EFHD1: variants seen among roughly 807,000 people sequenced by gnomAD.
EFHD1 encodes EF-hand domain family member D1.
EFHD1 carries 10 observed loss-of-function variants against 17.2 expected under a neutral mutation model. That is an observed-to-expected ratio of 0.58 (90% CI 0.36 to 0.99). The LOEUF (loss-of-function observed/expected upper bound fraction) is 0.99, where lower values mean the gene tolerates loss of function less well. Ranked by LOEUF, EFHD1 falls within the 50% of genes least tolerant of loss-of-function variation. The probability of loss-of-function intolerance (pLI) is 0.01; values close to 1 mark genes in which losing one functional copy is unlikely to be tolerated. For synonymous variants in EFHD1, 153 were observed against 142.0 expected, an observed-to-expected ratio of 1.08 and a Z score of -0.55; for missense variants, 310 against 327.5, an observed-to-expected ratio of 0.95 and a Z score of 0.41.
intron 1 of EFHD1, among the ~76,000 whole-genome samples, chr2:232,644,044 G>T (rs1329327258): frequency 6.6e-6 from 1 of 152,162 alleles, no homozygotes; most frequent in East Asian, 1.9e-4. Context: ...GGAGTGCTGT[G>T]TGTGCAGTTG....
At chr2:232,679,071 GA>G (rs1027569290) in intron 3 of EFHD1, among the ~76,000 whole-genome samples, 5 of 150,718 alleles carry the variant, frequency 3.3e-5, no homozygotes, top group African/African-American at 9.8e-5. Context: ...TGACAGGAAA[GA>G]AAAAAAAAGT....
intron 1 of EFHD1, among the ~76,000 whole-genome samples, chr2:232,648,880 A>T (rs1694583456): frequency 6.6e-6 from 1 of 152,132 alleles, no homozygotes; most frequent in Non-Finnish European, 1.5e-5. Context: ...GAAGAGAAGA[A>T]GGTACTCTTG....
At chr2:232,676,450 G>A (rs1271498004) in intron 3 of EFHD1, among the ~76,000 whole-genome samples, 1 of 152,142 alleles carries the variant, frequency 6.6e-6, no homozygotes, top group Non-Finnish European at 1.5e-5. Flanking sequence ...TAGGGAAGAT[G>A]AGGATCCTAT....
At chr2:232,630,773 C>A (rs1694186563), upstream of EFHD1, among the ~76,000 whole-genome samples, 1 of 122,856 alleles carries the variant, frequency 8.1e-6, no homozygotes. Flanking sequence ...ATAGAGAGAT[C>A]TCATCTCTAT....
chr2:232,657,687 T>C (rs947456648), intron 1 of EFHD1, among the ~76,000 whole-genome samples: 2 of 151,162 alleles, frequency 1.3e-5, no homozygotes, highest in East Asian at 2.0e-4. Context: ...GGTGGGCGCC[T>C]GTAATCCCAG....
At chr2:232,660,578 T>A (rs1292289473) in intron 1 of EFHD1, among the ~76,000 whole-genome samples, 1 of 152,080 alleles carries the variant, frequency 6.6e-6, no homozygotes, top group East Asian at 1.9e-4. Context: ...CAAGTGACCA[T>A]CCCACCCCAG....
chr2:232,675,157 CAG>C (rs1158437487), intron 3 of EFHD1, among the ~76,000 whole-genome samples: 1 of 138,972 alleles, frequency 7.2e-6, no homozygotes, highest in African/African-American at 2.7e-5. Context: ...GCCTGGGTGA[CAG>C]AGCACGACTC....
intron 1 of EFHD1, among the ~76,000 whole-genome samples, chr2:232,644,211 C>G (rs946137313): frequency 3.9e-5 from 6 of 152,208 alleles, no homozygotes; most frequent in African/African-American, 1.4e-4. Flanking sequence ...ACCCTCCTGA[C>G]TGCTCACTGT....
chr2:232,616,088 C>T (rs1282803831), intron 1 of EFHD1, among the ~76,000 whole-genome samples: 2 of 152,052 alleles, frequency 1.3e-5, no homozygotes, highest in East Asian at 1.9e-4. Flanking sequence ...TGTTCATAGC[C>T]GACTTACTCA....
At chr2:232,624,961 C>T (rs1053217120) in intron 1 of EFHD1, among the ~76,000 whole-genome samples, 5 of 152,158 alleles carry the variant, frequency 3.3e-5, no homozygotes, top group Non-Finnish European at 7.3e-5. Context: ...CAACTTGCCC[C>T]ACCACTCCCG....
intron 3 of EFHD1, among the ~76,000 whole-genome samples, chr2:232,679,167 T>G (rs1004779589): frequency 5.3e-5 from 8 of 152,182 alleles, no homozygotes; most frequent in African/African-American, 1.9e-4. Context: ...TTCAGGAAAA[T>G]GGGTTTAGAA....
intron 2 of EFHD1, 142 bp downstream of exon 2, chr2:232,663,091 A>G: frequency 1.0e-6 from 1 of 996,704 alleles, no homozygotes; most frequent in Non-Finnish European, 1.4e-6. Flanking sequence ...TTTCAAAAAT[A>G]CCTTTTAGGT....
chr2:232,679,211 C>G (rs1257572929), intron 3 of EFHD1, among the ~76,000 whole-genome samples: 1 of 152,058 alleles, frequency 6.6e-6, no homozygotes, highest in East Asian at 1.9e-4. Flanking sequence ...TTAAACATGA[C>G]ATAAAATGCA....
chr2:232,637,935 A>G (rs1694348052), intron 1 of EFHD1, among the ~76,000 whole-genome samples: 2 of 152,302 alleles, frequency 1.3e-5, no homozygotes, highest in Non-Finnish European at 1.5e-5. Context: ...GTCCTTTGTG[A>G]GTCCTTAGGA....
intron 1 of EFHD1, among the ~76,000 whole-genome samples, chr2:232,648,401 C>T (rs1050498271): frequency 1.3e-5 from 2 of 151,834 alleles, no homozygotes; most frequent in Admixed American, 6.6e-5. Context: ...GTGACTGTTT[C>T]CCAGCCCGCA....
At chr2:232,627,054 ATATATATATATT>A (rs1559340064) in intron 1 of EFHD1, among the ~76,000 whole-genome samples, 1 of 111,664 alleles carries the variant, frequency 9.0e-6, no homozygotes, top group Non-Finnish European at 1.8e-5. Context: ...ATATATATAT[ATATATATATATT>A]TTTTTTTTTT....
chr2:232,652,599 C>T (rs1694679192), intron 1 of EFHD1, among the ~76,000 whole-genome samples: 1 of 152,100 alleles, frequency 6.6e-6, no homozygotes, highest in Non-Finnish European at 1.5e-5. Flanking sequence ...CTCAGGCAAC[C>T]ATAAAGGCAG....
At chr2:232,631,111 C>T (rs746188105), upstream of EFHD1, among the ~76,000 whole-genome samples, 4 of 151,984 alleles carry the variant, frequency 2.6e-5, no homozygotes, top group Admixed American at 6.6e-5. Flanking sequence ...CCTGTAATCC[C>T]AGCTACTTGG....
chr2:232,664,220 C>T (rs1414217049), intron 2 of EFHD1, among the ~76,000 whole-genome samples: 1 of 151,930 alleles, frequency 6.6e-6, no homozygotes, highest in African/African-American at 2.4e-5. Context: ...CTCACTGCAG[C>T]CTCAAACTCC....
Sources: gnomAD v4.1 joint callset for allele counts (sites outside exome capture counted in the v4.1 genomes callset) on GRCh38, gnomAD v4.1.1 for gene constraint, MANE v1.5 for transcripts, NCBI Gene and HGNC (gene_info 2026-07-23, HGNC 2026-07-21) for gene names.